Variants in FBXW11 observed in about 807,000 individuals in gnomAD.
The protein encoded by FBXW11 is F-box and WD repeat domain containing 11, also known as F-box/WD repeat-containing protein 11.
Under a neutral mutation model 77.6 loss-of-function variants are expected in FBXW11, and 19 were observed. The observed-to-expected ratio is 0.24, with a 90% CI of 0.17 to 0.36. The LOEUF is 0.36. FBXW11 is among the 10% of genes least tolerant of loss of function. The probability of loss-of-function intolerance (pLI) is 1.00; values close to 1 mark genes in which losing one functional copy is unlikely to be tolerated. For synonymous variants in FBXW11, 235 were observed against 249.4 expected (o/e 0.94, Z 0.54); for missense variants, 334 against 704.2 (o/e 0.47, Z 5.95).
At chr5:172,005,813 C>T (rs1001741723) in intron 1 of FBXW11, among the ~76,000 whole-genome samples, 18 of 152,162 alleles carry the variant, frequency 1.2e-4, no homozygotes, top group Non-Finnish European at 1.8e-4. Context: ...GCTATGCAAA[C>T]ATCCCTCTCC....
intron 2 of FBXW11, among the ~76,000 whole-genome samples, chr5:171,930,245 C>A (rs932811513): frequency 1.3e-5 from 2 of 152,124 alleles, no homozygotes; most frequent in African/African-American, 2.4e-5. Flanking sequence ...AAGGAGTGTA[C>A]AAACAAAAGG....
intron 1 of FBXW11, among the ~76,000 whole-genome samples, chr5:171,962,000 C>T (rs1763938125): frequency 6.6e-6 from 1 of 152,158 alleles, no homozygotes; most frequent in African/African-American, 2.4e-5. Flanking sequence ...GCTGGAAACC[C>T]ATGTTGATCA....
At chr5:171,929,134 C>T (rs1377066763) in intron 2 of FBXW11, among the ~76,000 whole-genome samples, 1 of 151,486 alleles carries the variant, frequency 6.6e-6, no homozygotes, top group Non-Finnish European at 1.5e-5. Flanking sequence ...CTTTAGGAGG[C>T]CAAGGTGGGT....
intron 4 of FBXW11, among the ~76,000 whole-genome samples, chr5:171,909,702 TGTGTGC>T (rs1760761313): frequency 6.6e-6 from 1 of 152,168 alleles, no homozygotes; most frequent in Non-Finnish European, 1.5e-5. Context: ...TGTGTGTGTG[TGTGTGC>T]ACGTGCGCGC....
chr5:171,868,902 T>C, intron 12 of FBXW11, 106 bp from the exon 13 acceptor site: 1 of 965,478 alleles, frequency 1.0e-6, no homozygotes. Context: ...TAAACAGACT[T>C]CCTAAACGAC....
chr5:171,933,173 A>G (rs1183702483), intron 2 of FBXW11, among the ~76,000 whole-genome samples: 2 of 150,878 alleles, frequency 1.3e-5, no homozygotes, highest in African/African-American at 2.4e-5. Flanking sequence ...CATCCAGACA[A>G]TTGAATGTCA....
chr5:171,966,044 T>C (rs1373071527), intron 1 of FBXW11, among the ~76,000 whole-genome samples: 1 of 152,176 alleles, frequency 6.6e-6, no homozygotes, highest in Non-Finnish European at 1.5e-5. Context: ...TCAGCCATGA[T>C]TGTAAGTTTC....
intron 6 of FBXW11, among the ~76,000 whole-genome samples, chr5:171,892,318 C>A (rs1054123714): frequency 1.2e-4 from 18 of 152,150 alleles, no homozygotes; most frequent in Non-Finnish European, 8.8e-5. Context: ...GTTAAATGAT[C>A]CATACAATAA....
chr5:171,882,357 G>A (rs768693034), intron 7 of FBXW11, among the ~76,000 whole-genome samples: 6 of 152,172 alleles, frequency 3.9e-5, no homozygotes, highest in Non-Finnish European at 7.3e-5. Context: ...CTGAAATACA[G>A]TGACACAATC....
chr5:171,890,589 C>T (rs560571187), intron 7 of FBXW11, among the ~76,000 whole-genome samples: 26 of 152,074 alleles, frequency 1.7e-4, no homozygotes, highest in Middle Eastern at 3.4e-3. Flanking sequence ...GAAACATACA[C>T]TTACCATATG....
intron 7 of FBXW11, among the ~76,000 whole-genome samples, chr5:171,881,517 TAA>T (rs1758506542): frequency 6.6e-6 from 1 of 152,252 alleles, no homozygotes; most frequent in South Asian, 2.1e-4. Context: ...TTTTGAAGGT[TAA>T]ACATGAAGAT....
intron 2 of FBXW11, among the ~76,000 whole-genome samples, chr5:171,937,598 G>A (rs540048988): frequency 6.6e-6 from 1 of 152,180 alleles, no homozygotes; most frequent in African/African-American, 2.4e-5. Flanking sequence ...CATTTTGGGA[G>A]GCCAAAATCA....
In FBXW11 at chr5:171,876,083, T is replaced by C. The variant is rs923121981; in HGVS notation, c.1221+202A>G. On this transcript the variant is annotated intron_variant, in intron 9 of 13. Coordinates refer to ENST00000517395, the MANE Select transcript of FBXW11 (RefSeq NM_001378974.1). This position sits in a 1 kb window ranked among gnomAD's most constrained non-coding sequence, Gnocchi z 4.2. ...TTTCATGTCATGAAACAGAAGACTG[T>C]TCTCTCTTCTGGACCGATGGCTTTT... Among the ~76,000 whole-genome samples the C allele has an allele frequency of 6.6e-6, 1 of 152,216 alleles. No homozygotes were observed. The highest frequency in any genetic ancestry group is 6.5e-5 in the Admixed American group (1 of 15,290).
At chr5:171,901,388 T>C (rs1760104758) in intron 4 of FBXW11, among the ~76,000 whole-genome samples, 1 of 152,236 alleles carries the variant, frequency 6.6e-6, no homozygotes, top group African/African-American at 2.4e-5. Flanking sequence ...TAATCTCTAC[T>C]TGATTCTGAA....
At chr5:171,933,460 T>C (rs1052046685) in intron 2 of FBXW11, among the ~76,000 whole-genome samples, 1 of 152,210 alleles carries the variant, frequency 6.6e-6, no homozygotes, top group African/African-American at 2.4e-5. Flanking sequence ...CCAAAGAATG[T>C]ACAACACCAA....
intron 1 of FBXW11, chr5:171,977,718 G>A: frequency 2.5e-6 from 1 of 400,496 alleles, no homozygotes; most frequent in Non-Finnish European, 4.9e-6. Context: ...ATGGCAGCAA[G>A]CAAAGAGAGA....
rs2113777225 is a variant in FBXW11 at position 171,876,312 on chromosome 5, C to T, written c.1194G>A (p.Val398=). Residue 398 remains valine (V), a synonymous_variant, in exon 9 of 14, where the codon GTG becomes GTA. Coordinates refer to ENST00000517395, the MANE Select transcript of FBXW11 (RefSeq NM_001378974.1). This position sits in a 1 kb window ranked among gnomAD's most constrained non-coding sequence, Gnocchi z 4.2. The part of the protein sequence containing the change: ...NVVDFDDKYI[V]SASGDRTIKV... Reference sequence around the variant, plus strand: ...TGATGGTCCTGTCACCAGAGGCAGACACGATGTACTTGTCGTCAAAGTCTA... The same window carrying T: ...TGATGGTCCTGTCACCAGAGGCAGATACGATGTACTTGTCGTCAAAGTCTA... 1.2e-6 allele frequency: 2 copies of T among 1,614,222 alleles called. No individual in the cohort carries two copies. Among genetic ancestry groups the T allele is most frequent in the Middle Eastern group, 3.3e-4 (2 of 6,058 alleles).
intron 1 of FBXW11, among the ~76,000 whole-genome samples, chr5:171,969,030 G>GA (rs1561733734): frequency 6.6e-6 from 1 of 152,194 alleles, no homozygotes; most frequent in Non-Finnish European, 1.5e-5. Context: ...AGCACTCTGG[G>GA]AGGCCGAGGC....
intron 13 of FBXW11, among the ~76,000 whole-genome samples, chr5:171,867,364 T>C (rs895781206): frequency 6.6e-6 from 1 of 152,192 alleles, no homozygotes; most frequent in African/African-American, 2.4e-5. Context: ...CAATTTAAAT[T>C]TCATTTAATT....
Sources: gnomAD v4.1 joint callset for allele counts (sites outside exome capture counted in the v4.1 genomes callset) on GRCh38, gnomAD v4.1.1 for gene constraint, Gnocchi (gnomAD v3.1) non-coding constraint, MANE v1.5 for transcripts, NCBI Gene and HGNC (gene_info 2026-07-23, HGNC 2026-07-21) for gene names.